Variants in LZTFL1 observed in about 807,000 individuals in gnomAD.
LZTFL1 encodes leucine zipper transcription factor like 1, also known as leucine zipper transcription factor-like protein 1.
A neutral mutation model predicts 45.9 loss-of-function variants in LZTFL1; 25 were observed. That is an observed-to-expected ratio of 0.54 (90% CI 0.40 to 0.76). LZTFL1 has a LOEUF of 0.76. Ranked by LOEUF, LZTFL1 falls within the 30% of genes least tolerant of loss-of-function variation. The pLI, the probability that LZTFL1 is intolerant of heterozygous loss-of-function variation, is 0.00. For missense variants in LZTFL1, 277 were observed against 331.1 expected (o/e 0.84, Z 1.27); for synonymous variants, 93 against 117.4 (o/e 0.79, Z 1.35).
At chr3:45,845,510 C>G (rs1164268151), upstream of LZTFL1, among the ~76,000 whole-genome samples, 1 of 152,114 alleles carries the variant, frequency 6.6e-6, no homozygotes, top group Non-Finnish European at 1.5e-5. Context: ...TTGTCTTGGA[C>G]AGGGAACCAG....
chr3:45,907,409 T>C (rs775526548), intron 2 of LZTFL1, among the ~76,000 whole-genome samples: 5 of 152,226 alleles, frequency 3.3e-5, no homozygotes, highest in Non-Finnish European at 7.3e-5. Context: ...CCAGGCTCTG[T>C]GGCCAGGTAG....
At chr3:45,833,426 G>A (rs1235533045) in intron 4 of LZTFL1, among the ~76,000 whole-genome samples, 1 of 152,138 alleles carries the variant, frequency 6.6e-6, no homozygotes, top group African/African-American at 2.4e-5. Flanking sequence ...GGAGCTCAAA[G>A]CCAGATCTGA....
chr3:45,876,260 G>C (rs1012597491), intron 2 of LZTFL1, among the ~76,000 whole-genome samples: 5 of 152,036 alleles, frequency 3.3e-5, no homozygotes, highest in African/African-American at 1.2e-4. Flanking sequence ...AGGAACCCAG[G>C]GTAATTTAGT....
intron 2 of LZTFL1, among the ~76,000 whole-genome samples, chr3:45,893,886 C>G (rs577270635): frequency 2.0e-5 from 3 of 152,224 alleles, no homozygotes; most frequent in South Asian, 4.1e-4. Context: ...AGTGGTTTTA[C>G]CACACATTAT....
At chr3:45,915,165 G>A (rs537052653) in intron 1 of LZTFL1, among the ~76,000 whole-genome samples, 1 of 152,240 alleles carries the variant, frequency 6.6e-6, no homozygotes, top group South Asian at 2.1e-4. Context: ...CAGATGCATG[G>A]GGCAGCTTCA....
chr3:45,843,643 C>G (rs554408851), upstream of LZTFL1, among the ~76,000 whole-genome samples: 2 of 152,326 alleles, frequency 1.3e-5, no homozygotes, highest in Non-Finnish European at 2.9e-5. Flanking sequence ...AAAACTCCAT[C>G]AGCTAGTTAT....
At chr3:45,842,783 G>A (rs1701152961), upstream of LZTFL1, among the ~76,000 whole-genome samples, 1 of 152,172 alleles carries the variant, frequency 6.6e-6, no homozygotes, top group Admixed American at 6.5e-5. Flanking sequence ...CTTATCTCCA[G>A]AAATTCTGAT....
At chr3:45,851,677 G>T (rs1371688637) in intron 4 of LZTFL1, among the ~76,000 whole-genome samples, 1 of 151,896 alleles carries the variant, frequency 6.6e-6, no homozygotes, top group Non-Finnish European at 1.5e-5. Context: ...ATATACTGAT[G>T]GATTCCAACC....
chr3:45,893,576 G>T (rs1160196254), intron 2 of LZTFL1, among the ~76,000 whole-genome samples: 1 of 152,148 alleles, frequency 6.6e-6, no homozygotes, highest in Non-Finnish European at 1.5e-5. Flanking sequence ...AACTCCCTTT[G>T]GTCTGGCTAC....
chr3:45,912,994 C>T (rs1236136607), intron 2 of LZTFL1: 5 of 964,868 alleles, frequency 5.2e-6, no homozygotes, highest in Non-Finnish European at 7.5e-6. Context: ...TATGGAAAAG[C>T]TTTTTATAAG....
chr3:45,840,617 G>A (rs538542703), intron 1 of LZTFL1, among the ~76,000 whole-genome samples: 1 of 152,190 alleles, frequency 6.6e-6, no homozygotes, highest in Non-Finnish European at 1.5e-5. Flanking sequence ...GAAATATTCC[G>A]TTAAAATAAT....
At chr3:45,836,673 A>G (rs1215779389) in intron 2 of LZTFL1, among the ~76,000 whole-genome samples, 2 of 152,184 alleles carry the variant, frequency 1.3e-5, no homozygotes, top group African/African-American at 4.8e-5. Context: ...AAACAAAAAA[A>G]CAAAACTACT....
chr3:45,837,523 T>C (rs1700997468), intron 2 of LZTFL1, among the ~76,000 whole-genome samples: 2 of 152,244 alleles, frequency 1.3e-5, no homozygotes, highest in Non-Finnish European at 2.9e-5. Context: ...TTTTCCTCTC[T>C]ACTAATTATT....
chr3:45,904,370 G>C (rs1338715288), intron 2 of LZTFL1, among the ~76,000 whole-genome samples: 1 of 152,186 alleles, frequency 6.6e-6, no homozygotes, highest in Non-Finnish European at 1.5e-5. Flanking sequence ...CAGGCAGCCT[G>C]GGGGACTGGT....
chr3:45,867,799 G>A (rs1277432487), intron 2 of LZTFL1, among the ~76,000 whole-genome samples: 2 of 151,852 alleles, frequency 1.3e-5, no homozygotes, highest in African/African-American at 4.8e-5. Context: ...AGCTGTGATC[G>A]CACCACTGCA....
At chr3:45,864,972 G>A (rs1159090950) in intron 2 of LZTFL1, among the ~76,000 whole-genome samples, 1 of 152,164 alleles carries the variant, frequency 6.6e-6, no homozygotes, top group Non-Finnish European at 1.5e-5. Flanking sequence ...CAGAACAAAT[G>A]GTGGGCCTGG....
At position 45,826,266 on chromosome 3, in the gene LZTFL1, A is replaced by C; in HGVS notation, c.*48T>G. 1 of 1,571,224 alleles carries C rather than the reference A, an allele frequency of 6.4e-7. No individual in the cohort carries two copies. Among genetic ancestry groups the C allele is most frequent in the Non-Finnish European group, 8.8e-7 (1 of 1,142,624 alleles). On this transcript the variant is annotated 3_prime_UTR_variant, in exon 10 of 10. Transcript: ENST00000296135. ...TTTCAAAATACATGCCTGAGGTGAG[A>C]CTGCTTGTATGTTTGCATGTGGTAG...
chr3:45,852,407 T>C (rs1701322713), intron 4 of LZTFL1, among the ~76,000 whole-genome samples: 1 of 152,222 alleles, frequency 6.6e-6, no homozygotes, highest in South Asian at 2.1e-4. Context: ...GTAAAAAGTC[T>C]TGAGATAGTT....
At chr3:45,913,965 T>C (rs1702848512) in intron 1 of LZTFL1, among the ~76,000 whole-genome samples, 1 of 152,226 alleles carries the variant, frequency 6.6e-6, no homozygotes, top group South Asian at 2.1e-4. Context: ...TAAACTATTT[T>C]ACCCTTAGAA....
Sources: allele counts gnomAD v4.1 joint callset (sites outside exome capture counted in the v4.1 genomes callset), GRCh38; gene constraint gnomAD v4.1.1; transcripts MANE v1.5; gene names NCBI Gene and HGNC (gene_info 2026-07-23, HGNC 2026-07-21).